The following PSMD7 variants were observed in gnomAD, a reference collection of about 807,000 sequenced individuals.
PSMD7 encodes proteasome 26S subunit, non-ATPase 7.
In PSMD7, 13 loss-of-function variants were observed where a neutral mutation model predicts 36.4. That is an observed-to-expected ratio of 0.36 (90% CI 0.23 to 0.57). PSMD7 has a LOEUF of 0.57. Ranked by LOEUF, PSMD7 falls within the 20% of genes least tolerant of loss-of-function variation. The pLI is 0.83. For missense variants in PSMD7, 298 were observed against 393.6 expected (o/e 0.76, Z 2.06); for synonymous variants, 186 against 151.0 (o/e 1.23, Z -1.70).
At chr16:74,297,271 T>G (rs1481106646) in intron 1 of PSMD7, among the ~76,000 whole-genome samples, 1 of 152,218 alleles carries the variant, frequency 6.6e-6, no homozygotes, top group Non-Finnish European at 1.5e-5. Flanking sequence ...CGAAGTTCGT[T>G]TTACCGAAAT....
chr16:74,304,066 A>G, intron 5 of PSMD7: 1 of 391,076 alleles, frequency 2.6e-6, no homozygotes, highest in East Asian at 4.8e-5. Flanking sequence ...GGGAATTTCC[A>G]GATTTTTCTC....
At chr16:74,303,973 C>A in intron 5 of PSMD7, 1 of 175,738 alleles carries the variant, frequency 5.7e-6, no homozygotes, top group Non-Finnish European at 1.2e-5. Flanking sequence ...GCTGAGATTA[C>A]AGGTCCGTGC....
intron 1 of PSMD7, among the ~76,000 whole-genome samples, chr16:74,297,248 GAGTTCGTTTTGCCGA>G (rs1000120332): frequency 6.6e-6 from 1 of 152,234 alleles, no homozygotes; most frequent in African/African-American, 2.4e-5. Context: ...TTCCCTTTCC[GAGTTCGTTTTGCCGA>G]AGTTCGTTTT....
At chr16:74,301,707 A>C in intron 4 of PSMD7, 55 bp downstream of exon 4, 2 of 1,394,434 alleles carry the variant, frequency 1.4e-6, no homozygotes, top group Non-Finnish European at 2.0e-6. Context: ...CAGCCAGCTC[A>C]AGTAAGAGCA....
Position 74,296,841 on chromosome 16 carries a change from GT to G in PSMD7, c.-73del. 6.6e-7 allele frequency: 1 copy of G among 1,517,350 alleles called. No homozygotes were observed. The allele number at this position is 1,517,350 out of a possible 1,614,324, so 94.0% of individuals were successfully genotyped here. A position where few individuals can be genotyped will look rare whatever the true frequency, so the allele number is the denominator to read the frequency against. The stretch of plus-strand genomic sequence containing the variant: ...AAGAAGAGGAACTGGGCCTGAAAGG[GT>G]ACCGGTGACCGCTACTGCTGCCGGT... On this transcript the variant is annotated 5_prime_UTR_variant, in exon 1 of 7. Transcript: ENST00000219313.
rs905963320 is a variant in PSMD7 at position 74,300,912 on chromosome 16, G to A, written c.167-140G>A. 2.3e-5 allele frequency: 11 copies of A among 473,342 alleles called. No individual in the cohort carries two copies. The Middle Eastern group carries it at 2.1e-3, about 92-fold the overall frequency. 29.3% of individuals were successfully genotyped at this position (473,342 alleles called of 1,614,324 possible). On this transcript the variant is annotated intron_variant, in intron 2 of 6. Transcript: ENST00000219313. ...GTGAATTCTCCCAGTTTTTGGGGCA[G>A]CTCAAAAAAAATTTTTTAATACTTT...
chr16:74,300,326 G>A lies in PSMD7; in HGVS notation c.166+120G>A. ...CAGAGATTGTCTTAAAATTGCTGAA[G>A]TATAGAAAAGAGAACCTGAAGATTG... On this transcript the variant is annotated intron_variant, in intron 2 of 6. Coordinates refer to ENST00000219313, the MANE Select transcript of PSMD7 (RefSeq NM_002811.5). 4.4e-6 allele frequency: 4 copies of A among 901,942 alleles called. 1 individual carries two copies. The South Asian group carries it at 6.2e-5, about 14-fold the overall frequency. 55.9% of individuals were successfully genotyped at this position (901,942 alleles called of 1,614,324 possible). A position where few individuals can be genotyped will look rare whatever the true frequency, so the allele number is the denominator to read the frequency against.
chr16:74,297,452 G>T (rs2034122700), intron 1 of PSMD7, among the ~76,000 whole-genome samples: 1 of 152,050 alleles, frequency 6.6e-6, no homozygotes, highest in South Asian at 2.1e-4. Context: ...CCGACCCCAG[G>T]GTCGTATCTT....
rs575818748 is a variant in PSMD7, at chr16:74,304,509, A to G, written c.530+115A>G. ...GGGGTCTCGTCCTGGCCGTCCACTA[A>G]CAAGTCTGCCATTCTGAGCAAATCA... On this transcript the variant is annotated intron_variant, in intron 6 of 6. Coordinates refer to ENST00000219313, the MANE Select transcript of PSMD7 (RefSeq NM_002811.5). 4 of 807,242 alleles carry G rather than the reference A, an allele frequency of 5.0e-6. No homozygotes were observed. The Admixed American group carries it at 7.6e-5, about 15-fold the overall frequency. The allele number at this position is 807,242 out of a possible 1,614,324, so 50.0% of individuals were successfully genotyped here. A position where few individuals can be genotyped will look rare whatever the true frequency, so the allele number is the denominator to read the frequency against.
chr16:74,298,156 CA>C (rs75614540), intron 1 of PSMD7, among the ~76,000 whole-genome samples: 810 of 72,778 alleles, frequency 0.011, 2 homozygotes, highest in African/African-American at 0.023. Flanking sequence ...ACCCTGTCTC[CA>C]AAAAAAAAAA....
Position 74,304,328 on chromosome 16 carries a change from T to A in PSMD7, c.464T>A (p.Phe155Tyr). Residue 155 changes from phenylalanine to tyrosine, a missense_variant, in exon 6 of 7, where the codon TTT becomes TAT. Transcript: ENST00000219313. The part of the protein sequence containing the change: ...HDDGTPTSKT[F>Y]EHVTSEIGAE... Reference sequence around the variant, plus strand: ...GATGGAACTCCAACCTCGAAAACATTTGAACACGTGACCAGTGAAATTGGA... The same window carrying A: ...GATGGAACTCCAACCTCGAAAACATATGAACACGTGACCAGTGAAATTGGA... 6.2e-7 allele frequency: 1 copy of A among 1,614,120 alleles called. No individual in the cohort carries two copies. The highest frequency in any genetic ancestry group is 8.5e-7 in the Non-Finnish European group (1 of 1,179,984).
At chr16:74,302,463 G>C (rs1462062778) in intron 5 of PSMD7, among the ~76,000 whole-genome samples, 171 bp downstream of exon 5, 1 of 152,038 alleles carries the variant, frequency 6.6e-6, no homozygotes, top group African/African-American at 2.4e-5. Context: ...GAGGAACATA[G>C]AAATCTAAAT....
At position 74,296,989 on chromosome 16, in the gene PSMD7, G is replaced by C. The variant is rs747224904; in HGVS notation, c.74+1G>C. 2 of 1,611,374 alleles carry C rather than the reference G, an allele frequency of 1.2e-6. No individual in the cohort carries two copies. Among genetic ancestry groups the C allele is most frequent in the Non-Finnish European group, 1.7e-6 (2 of 1,179,280 alleles). On this transcript the variant is annotated splice_donor_variant, in intron 1 of 6. Coordinates refer to ENST00000219313, the MANE Select transcript of PSMD7 (RefSeq NM_002811.5). LOFTEE classifies it high-confidence loss of function. ...TCAGTGTGGTGGATCATTTCAACCG[G>C]TGAGCGAGCGCCCTATAGCTGGGCC...
At chr16:74,297,121 G>C (rs550494066) in intron 1 of PSMD7, 133 bp downstream of exon 1, 2 of 929,282 alleles carry the variant, frequency 2.2e-6, no homozygotes, top group African/African-American at 1.6e-5. Flanking sequence ...TTGTTCACGA[G>C]TCCAGACCAG....
intron 6 of PSMD7, 170 bp downstream of exon 6, chr16:74,304,564 T>A (rs538115906): frequency 3.6e-6 from 2 of 555,794 alleles, no homozygotes; most frequent in Admixed American, 6.4e-5. Context: ...TGTTTTATTG[T>A]CTGTAAATTG....
intron 4 of PSMD7, 69 bp from the exon 5 acceptor site, chr16:74,302,140 GAGA>G (rs2034160900): frequency 8.2e-7 from 1 of 1,212,264 alleles, no homozygotes; most frequent in African/African-American, 1.5e-5. Context: ...TAGTAATTGT[GAGA>G]AGAATGCCTG....
At chr16:74,299,539 A>T (rs139532922) in intron 1 of PSMD7, 1 of 455,198 alleles carries the variant, frequency 2.2e-6, no homozygotes, top group Non-Finnish European at 4.4e-6. Flanking sequence ...GCACATCCCC[A>T]CTATGCCCGG....
chr16:74,305,561 C>G lies in PSMD7; in HGVS notation c.803C>G (p.Ser268Cys). Residue 268 changes from serine (S) to cysteine (C), a missense_variant, in exon 7 of 7, where the codon TCC (serine) becomes TGC (cysteine). Transcript: ENST00000219313. ...GTGTACTTGGCCTCGCTGATCCGTTCCGTGGTCGCCCTGCACAACCTCATC... is the reference window on the plus strand; with the variant it reads ...GTGTACTTGGCCTCGCTGATCCGTTGCGTGGTCGCCCTGCACAACCTCATC... ...VVVYLASLIR[S>C]VVALHNLINN... is the part of the protein sequence containing the mutation. The G allele has an allele frequency of 1.2e-6, 2 of 1,612,544 alleles. No homozygotes were observed. Among genetic ancestry groups the G allele is most frequent in the Non-Finnish European group, 1.7e-6 (2 of 1,178,666 alleles).
rs367855228 is a variant in PSMD7 at position 74,299,411 on chromosome 16, C to T, written c.75-704C>T. Reference sequence around the variant, plus strand: ...TCATTTATTTTGAGACAGGGTCTGCCGAGGCTGGGGTGCAGTAGCACAATC... The same window carrying T: ...TCATTTATTTTGAGACAGGGTCTGCTGAGGCTGGGGTGCAGTAGCACAATC... On this transcript the variant is annotated intron_variant, in intron 1 of 6. Transcript: ENST00000219313. 7.2e-5 allele frequency among the ~76,000 whole-genome samples: 11 copies of T among 152,218 alleles called. No individual in the cohort carries two copies. The East Asian group carries it at 1.4e-3, about 19-fold the overall frequency.
Sources: gnomAD v4.1 joint callset for allele counts (sites outside exome capture counted in the v4.1 genomes callset) on GRCh38, gnomAD v4.1.1 for gene constraint, MANE v1.5 for transcripts, NCBI Gene and HGNC (gene_info 2026-07-23, HGNC 2026-07-21) for gene names.